The following CAB39 variants were observed in gnomAD, a reference collection of about 807,000 sequenced individuals.
CAB39 encodes calcium binding protein 39, also known as calcium-binding protein 39.
A neutral mutation model predicts 40.0 loss-of-function variants in CAB39; 8 were observed. The observed-to-expected ratio is 0.20, with a 90% confidence interval of 0.12 to 0.36. The LOEUF is 0.36. Ranked by LOEUF, CAB39 falls within the 10% of genes least tolerant of loss-of-function variation. The probability of loss-of-function intolerance (pLI) is 1.00; values close to 1 mark genes in which losing one functional copy is unlikely to be tolerated. For synonymous variants in CAB39, 156 were observed against 141.6 expected (o/e 1.10, Z -0.72); for missense variants, 270 against 401.1 (o/e 0.67, Z 2.79).
intron 1 of CAB39, chr2:230,725,072 A>T (rs1021674886): frequency 1.3e-6 from 2 of 1,526,410 alleles, no homozygotes; most frequent in Non-Finnish European, 1.8e-6. Context: ...TTCGTAGAGG[A>T]CAGGGGAGGA....
Position 230,782,226 on chromosome 2 carries a change from C to G in CAB39, c.115-8646C>G, listed in dbSNP as rs1695699028. On this transcript the variant is annotated intron_variant, in intron 2 of 8. Coordinates refer to ENST00000258418, the MANE Select transcript of CAB39 (RefSeq NM_016289.4). ...CAGTTAGTAAATACTTGCTAAATTG[C>G]CTTCTCTTGTGAAACACTTATTAAA... Among the ~76,000 whole-genome samples the G allele has an allele frequency of 2.0e-5, 3 of 152,278 alleles. No homozygotes were observed. The South Asian group carries it at 6.2e-4, about 32-fold the overall frequency.
Position 230,717,892 on chromosome 2 carries a change from G to A in CAB39, c.-44+4662G>A, listed in dbSNP as rs77501115. On this transcript the variant is annotated intron_variant, in intron 1 of 8. Coordinates refer to ENST00000258418, the MANE Select transcript of CAB39 (RefSeq NM_016289.4). ...GATGGCATGCAGAGAATTGCGGGAG[G>A]TCATTCGGGTGTGAAGTGGCTCCAA... 9.5e-3 allele frequency among the ~76,000 whole-genome samples: 1,451 copies of A among 152,274 alleles called. 23 individuals are homozygous for A. The highest frequency in any genetic ancestry group is 0.032 in the African/African-American group (1,337 of 41,548).
At chr2:230,729,271 A>G (rs1040643582) in intron 1 of CAB39, among the ~76,000 whole-genome samples, 4 of 152,198 alleles carry the variant, frequency 2.6e-5, no homozygotes, top group African/African-American at 9.7e-5. Flanking sequence ...TGTTTTATGA[A>G]CACTTGAAAT....
rs1382882555 is a variant in CAB39, at chr2:230,748,832, ATATATATAT to A, written c.-43-11126_-43-11118del. Among the ~76,000 whole-genome samples, 191 of 21,700 alleles carry A rather than the reference ATATATATAT, an allele frequency of 8.8e-3. 1 individual carries two copies. Among genetic ancestry groups the A allele is most frequent in the African/African-American group, 0.019 (101 of 5,456 alleles). 14.2% of individuals were successfully genotyped at this position (21,700 alleles called of 152,430 possible). ...CAAAAAGAAAAAAAAAAAAAAAAAA[ATATATATAT>A]ATATATATATATATATATATATATA... On this transcript the variant is annotated intron_variant, in intron 1 of 8. Coordinates refer to ENST00000258418, the MANE Select transcript of CAB39 (RefSeq NM_016289.4).
intron 1 of CAB39, among the ~76,000 whole-genome samples, chr2:230,744,080 C>T (rs571831498): frequency 2.8e-4 from 42 of 151,930 alleles, no homozygotes; most frequent in African/African-American, 6.0e-4. Context: ...CCACCATGCG[C>T]GGCTAATTTT....
chr2:230,796,992 A>G (rs1695997387), intron 4 of CAB39, among the ~76,000 whole-genome samples: 1 of 152,200 alleles, frequency 6.6e-6, no homozygotes, highest in Non-Finnish European at 1.5e-5. Flanking sequence ...TGGATAGTTA[A>G]GTCCAGAAGT....
At chr2:230,766,757 G>A (rs779397828) in intron 2 of CAB39, among the ~76,000 whole-genome samples, 10 of 152,128 alleles carry the variant, frequency 6.6e-5, no homozygotes, top group South Asian at 2.1e-4. Context: ...TTGAACTCCC[G>A]GGCTTAAGCT....
intron 1 of CAB39, among the ~76,000 whole-genome samples, chr2:230,721,999 T>C (rs1694461985): frequency 6.6e-6 from 1 of 152,110 alleles, no homozygotes; most frequent in South Asian, 2.1e-4. Flanking sequence ...ATGATAATTT[T>C]TTGTCAGTTG....
intron 1 of CAB39, among the ~76,000 whole-genome samples, chr2:230,755,094 T>C (rs1244461586): frequency 1.3e-5 from 2 of 152,188 alleles, no homozygotes; most frequent in Admixed American, 6.5e-5. Flanking sequence ...AGTTTCTTTA[T>C]CCACTCGTTG....
chr2:230,743,259 C>T (rs1027061820), intron 1 of CAB39, among the ~76,000 whole-genome samples: 33 of 152,068 alleles, frequency 2.2e-4, no homozygotes, highest in Non-Finnish European at 3.5e-4. Context: ...TGGAACTCTA[C>T]GACAAAGTAA....
At chr2:230,773,110 C>G (rs531787188) in intron 2 of CAB39, among the ~76,000 whole-genome samples, 27 of 151,928 alleles carry the variant, frequency 1.8e-4, no homozygotes, top group Non-Finnish European at 3.4e-4. Flanking sequence ...GCACAAAACT[C>G]TAGAAAACAA....
At chr2:230,776,292 G>A (rs1695583877) in intron 2 of CAB39, among the ~76,000 whole-genome samples, 1 of 152,162 alleles carries the variant, frequency 6.6e-6, no homozygotes, top group African/African-American at 2.4e-5. Context: ...TAATTCACAG[G>A]AAGTTGCTGA....
intron 1 of CAB39, among the ~76,000 whole-genome samples, chr2:230,732,369 A>C (rs1050978165): frequency 3.3e-5 from 5 of 152,332 alleles, no homozygotes; most frequent in Admixed American, 6.5e-5. Flanking sequence ...GGCGTGAGCC[A>C]CCGCGCCCGG....
intron 1 of CAB39, among the ~76,000 whole-genome samples, chr2:230,746,237 T>G (rs1400426790): frequency 6.6e-6 from 1 of 152,196 alleles, no homozygotes; most frequent in Non-Finnish European, 1.5e-5. Context: ...GGCTAGCCTT[T>G]TATGTGACTT....
chr2:230,804,419 T>G (rs1366790846), intron 5 of CAB39, among the ~76,000 whole-genome samples: 3 of 152,206 alleles, frequency 2.0e-5, no homozygotes, highest in East Asian at 1.9e-4. Flanking sequence ...ATAAAGAGCT[T>G]CTGCACAGCA....
At chr2:230,749,858 A>G (rs184368949) in intron 1 of CAB39, among the ~76,000 whole-genome samples, 212 of 152,346 alleles carry the variant, frequency 1.4e-3, no homozygotes, top group African/African-American at 4.8e-3. Flanking sequence ...TTACTGATAC[A>G]TATGAATATA....
rs574263277 is a variant in CAB39, at chr2:230,820,604, G to A, written c.*1900G>A. 7 of 152,552 alleles carry A rather than the reference G, an allele frequency of 4.6e-5. No individual in the cohort carries two copies. Among genetic ancestry groups the A allele is most frequent in the South Asian group, 2.1e-4 (1 of 4,826 alleles). The allele number at this position is 152,552 out of a possible 1,614,324, so 9.4% of individuals were successfully genotyped here. On this transcript the variant is annotated 3_prime_UTR_variant, in exon 9 of 9. Coordinates refer to ENST00000258418, the MANE Select transcript of CAB39 (RefSeq NM_016289.4). ...ATGGATTACACCAAGTGGAAGAAAC[G>A]TCTTCTTGCCAAGCTCATTCTTAGA...
At chr2:230,731,584 C>T (rs900346097) in intron 1 of CAB39, among the ~76,000 whole-genome samples, 10 of 152,186 alleles carry the variant, frequency 6.6e-5, no homozygotes, top group African/African-American at 2.4e-4. Context: ...CTCACTGTAG[C>T]CTCAAACGTC....
At chr2:230,717,812 A>G (rs2124847306) in intron 1 of CAB39, among the ~76,000 whole-genome samples, 1 of 152,250 alleles carries the variant, frequency 6.6e-6, no homozygotes, top group South Asian at 2.1e-4. Flanking sequence ...GGGTGAGGGG[A>G]CAGCAGAATT....
Sources: gnomAD v4.1 joint callset for allele counts (sites outside exome capture counted in the v4.1 genomes callset) on GRCh38, gnomAD v4.1.1 for gene constraint, MANE v1.5 for transcripts, NCBI Gene and HGNC (gene_info 2026-07-23, HGNC 2026-07-21) for gene names.